The following PAQR5 variants were observed in gnomAD, a reference collection of about 807,000 sequenced individuals.
PAQR5 encodes progestin and adipoQ receptor family member 5.
PAQR5 carries 20 observed loss-of-function variants against 34.5 expected under a neutral mutation model. That is an observed-to-expected ratio of 0.58 (90% confidence interval 0.41 to 0.84). PAQR5 has a LOEUF of 0.84. Among genes scored for constraint, PAQR5 ranks in the 40% least tolerant of loss-of-function variants. The probability of loss-of-function intolerance (pLI) is 0.00; values close to 1 mark genes in which losing one functional copy is unlikely to be tolerated. For missense variants in PAQR5, 378 were observed against 412.7 expected, an observed-to-expected ratio of 0.92 and a Z score of 0.73; for synonymous variants, 131 against 155.6, an observed-to-expected ratio of 0.84 and a Z score of 1.18.
At chr15:69,305,379 C>T (rs2053691710) in intron 1 of PAQR5, among the ~76,000 whole-genome samples, 1 of 152,104 alleles carries the variant, frequency 6.6e-6, no homozygotes, top group African/African-American at 2.4e-5. Flanking sequence ...TGAATGTGGA[C>T]TGGGTGTGAA....
At chr15:69,396,710 C>CT (rs2056445313) in intron 6 of PAQR5, among the ~76,000 whole-genome samples, 1 of 152,166 alleles carries the variant, frequency 6.6e-6, no homozygotes, top group South Asian at 2.1e-4. Flanking sequence ...AGTGTGCAGC[C>CT]TGCTGTCTGT....
intron 6 of PAQR5, among the ~76,000 whole-genome samples, chr15:69,395,746 G>A (rs149009125): frequency 3.9e-5 from 6 of 152,174 alleles, no homozygotes; most frequent in East Asian, 3.9e-4. Flanking sequence ...ACAGTGCTGC[G>A]CTGCCTCACC....
chr15:69,384,930 T>G, intron 5 of PAQR5, 48 bp downstream of exon 5: 1 of 1,445,530 alleles, frequency 6.9e-7, no homozygotes, highest in Non-Finnish European at 9.6e-7. Flanking sequence ...ACCGGGCTGT[T>G]TGCCCCTTCT....
At chr15:69,387,233 C>T (rs921262927) in intron 5 of PAQR5, among the ~76,000 whole-genome samples, 6 of 152,194 alleles carry the variant, frequency 3.9e-5, no homozygotes, top group African/African-American at 1.2e-4. Context: ...CTCGGTTGCC[C>T]GCCCCGGACT....
chr15:69,357,068 CTCTT>C (rs1166183708), intron 2 of PAQR5, among the ~76,000 whole-genome samples: 14 of 152,134 alleles, frequency 9.2e-5, no homozygotes, highest in African/African-American at 2.9e-4. Flanking sequence ...CTCTCTCTCT[CTCTT>C]TCTCTCTTGC....
chr15:69,372,224 C>T (rs2055581586), intron 3 of PAQR5, among the ~76,000 whole-genome samples: 1 of 152,144 alleles, frequency 6.6e-6, no homozygotes, highest in African/African-American at 2.4e-5. Context: ...CCATTGTCTT[C>T]TGTAAATATT....
chr15:69,361,312 A>G (rs1284614709), intron 3 of PAQR5, among the ~76,000 whole-genome samples: 2 of 152,262 alleles, frequency 1.3e-5, no homozygotes, highest in Non-Finnish European at 2.9e-5. Flanking sequence ...ATAATTACAT[A>G]CAAATCCTGT....
At chr15:69,300,601 C>CTTTCTTTA (rs2053519827) in intron 1 of PAQR5, among the ~76,000 whole-genome samples, 1 of 33,282 alleles carries the variant, frequency 3.0e-5, no homozygotes, top group African/African-American at 8.2e-5. Flanking sequence ...TTCTTTCTTT[C>CTTTCTTTA]TTTCTTTCTT....
rs569451074 is a variant in PAQR5, at chr15:69,357,162, G to A, written c.-115-2804G>A. 2.0e-5 allele frequency among the ~76,000 whole-genome samples: 3 copies of A among 152,132 alleles called. No homozygotes were observed. The South Asian group carries it at 6.2e-4, about 32-fold the overall frequency. On this transcript the variant is annotated intron_variant, in intron 2 of 8. Transcript: ENST00000395407. The stretch of plus-strand genomic sequence containing the variant: ...TAAGCTTCCTGCAGCCTCCCTAGAA[G>A]CCAAGCAGAACCCAGTACCATGTTT...
intron 1 of PAQR5, among the ~76,000 whole-genome samples, chr15:69,319,170 TATATATATATATA>T (rs1566995768): frequency 0.01 from 1,386 of 135,154 alleles, 25 homozygotes; most frequent in Middle Eastern, 0.019. Context: ...TATATATATA[TATATATATATATA>T]TATATATATA....
At chr15:69,403,369 A>G (rs558874702) in intron 8 of PAQR5, among the ~76,000 whole-genome samples, 323 of 152,278 alleles carry the variant, frequency 2.1e-3, no homozygotes, top group Non-Finnish European at 3.6e-3. Context: ...AGACCCATGC[A>G]CTGTTAATAC....
chr15:69,318,321 G>T (rs2054000950), intron 1 of PAQR5, among the ~76,000 whole-genome samples: 1 of 152,236 alleles, frequency 6.6e-6, no homozygotes, highest in South Asian at 2.1e-4. Flanking sequence ...CACAAGGCAG[G>T]ATTTGGTGTC....
At chr15:69,377,545 T>A (rs1242494504) in intron 3 of PAQR5, among the ~76,000 whole-genome samples, 2 of 152,254 alleles carry the variant, frequency 1.3e-5, no homozygotes, top group Non-Finnish European at 2.9e-5. Flanking sequence ...ATGAATCAAC[T>A]TCATTTTATC....
chr15:69,393,500 C>T (rs1482104381), intron 6 of PAQR5, among the ~76,000 whole-genome samples: 1 of 147,602 alleles, frequency 6.8e-6, no homozygotes, highest in Non-Finnish European at 1.5e-5. Context: ...GCATCTGAGA[C>T]AATACCCTCT....
At chr15:69,389,906 G>A (rs560452895) in intron 6 of PAQR5, 126 bp downstream of exon 6, 44 of 1,092,816 alleles carry the variant, frequency 4.0e-5, no homozygotes, top group Middle Eastern at 2.5e-4. Context: ...CTAGGACTCC[G>A]TTCCAGGTGG....
Position 69,364,989 on chromosome 15 carries a change from G to A in PAQR5, c.51+4858G>A, listed in dbSNP as rs540094431. ...CTGACCTCGTGATTCACCTGCCTTG[G>A]CCTCCCAAAGTGCTGGGATTACAGG... On this transcript the variant is annotated intron_variant, in intron 3 of 8. Transcript: ENST00000395407. Among the ~76,000 whole-genome samples the A allele has an allele frequency of 9.2e-5, 14 of 152,014 alleles. No homozygotes were observed. The East Asian group carries it at 2.7e-3, about 29-fold the overall frequency.
At chr15:69,331,383 C>T (rs1464133128) in intron 1 of PAQR5, among the ~76,000 whole-genome samples, 4 of 152,134 alleles carry the variant, frequency 2.6e-5, no homozygotes, top group East Asian at 1.9e-4. Context: ...TGGAAGATTT[C>T]GAGGCAGTTT....
intron 6 of PAQR5, among the ~76,000 whole-genome samples, chr15:69,390,600 A>G (rs918471492): frequency 2.0e-5 from 3 of 152,118 alleles, no homozygotes; most frequent in Non-Finnish European, 4.4e-5. Context: ...CATCTATAAA[A>G]TGAGGCCATT....
At chr15:69,332,351 ATT>A (rs2054400838) in intron 1 of PAQR5, among the ~76,000 whole-genome samples, 1 of 152,130 alleles carries the variant, frequency 6.6e-6, no homozygotes, top group Non-Finnish European at 1.5e-5. Context: ...ACTGGATGAA[ATT>A]TCTCTGTCTT....
Sources: gnomAD v4.1 joint callset for allele counts (sites outside exome capture counted in the v4.1 genomes callset) on GRCh38, gnomAD v4.1.1 for gene constraint, MANE v1.5 for transcripts, NCBI Gene and HGNC (gene_info 2026-07-23, HGNC 2026-07-21) for gene names.